Variants in MAF observed in about 807,000 individuals in gnomAD.
MAF encodes the protein transcription factor Maf.
MAF carries 10 observed loss-of-function variants against 22.0 expected under a neutral mutation model. That is an observed-to-expected ratio of 0.45 (90% CI 0.28 to 0.77). The LOEUF (loss-of-function observed/expected upper bound fraction) is 0.77. Among genes scored for constraint, MAF ranks in the 30% least tolerant of loss-of-function variants. The pLI is 0.12. For missense variants in MAF, 544 were observed against 548.4 expected (o/e 0.99, Z 0.08); for synonymous variants, 337 against 255.8 (o/e 1.32, Z -3.03).
At chr16:79,211,249 G>C in the MAF span, among the ~76,000 whole-genome samples, 86 of 152,244 alleles carry the variant, frequency 5.6e-4, no homozygotes, top group Non-Finnish European at 9.3e-4. Flanking sequence ...TGGAGAAGTT[G>C]AGGGGTTGGA....
At chr16:79,379,755 G>T in the MAF span, among the ~76,000 whole-genome samples, 2 of 152,112 alleles carry the variant, frequency 1.3e-5, no homozygotes, top group Admixed American at 6.5e-5. Flanking sequence ...AGCCTTGTTG[G>T]GTTTCAGTGT....
chr16:79,585,662 A>G (rs1185655511), downstream of MAF, among the ~76,000 whole-genome samples: 1 of 152,214 alleles, frequency 6.6e-6, no homozygotes. Context: ...TGATTCTCAC[A>G]TATATCGCAT....
At chr16:79,224,728 G>C in the MAF span, among the ~76,000 whole-genome samples, 3 of 152,074 alleles carry the variant, frequency 2.0e-5, no homozygotes, top group African/African-American at 2.4e-5. Flanking sequence ...AGACAAACAA[G>C]AGAGCAAAAT....
At chr16:79,412,515 G>A in the MAF span, among the ~76,000 whole-genome samples, 1 of 152,174 alleles carries the variant, frequency 6.6e-6, no homozygotes, top group Non-Finnish European at 1.5e-5. Flanking sequence ...ATTTGGGCTG[G>A]GTAACTGTTG....
chr16:79,481,956 G>C, the MAF span, among the ~76,000 whole-genome samples: 1 of 152,170 alleles, frequency 6.6e-6, no homozygotes, highest in African/African-American at 2.4e-5. Flanking sequence ...TCAGACACAA[G>C]ACTGGAGGTC....
At chr16:79,436,099 T>C in the MAF span, among the ~76,000 whole-genome samples, 1 of 152,220 alleles carries the variant, frequency 6.6e-6, no homozygotes, top group Non-Finnish European at 1.5e-5. Context: ...ATTTATTTAT[T>C]TGAAACAGAG....
intron 1 of MAF, among the ~76,000 whole-genome samples, chr16:79,588,452 T>A (rs79852264): frequency 2.6e-5 from 4 of 152,168 alleles, no homozygotes; most frequent in African/African-American, 4.8e-5. Context: ...TCTTTTTTTT[T>A]AAGATACAGT....
the MAF span, among the ~76,000 whole-genome samples, chr16:79,557,614 T>C: frequency 6.6e-6 from 1 of 152,056 alleles, no homozygotes; most frequent in Non-Finnish European, 1.5e-5. Context: ...GAGATACTAA[T>C]AGCAGCCAAC....
At chr16:79,565,408 A>C in the MAF span, among the ~76,000 whole-genome samples, 1 of 152,074 alleles carries the variant, frequency 6.6e-6, no homozygotes, top group Non-Finnish European at 1.5e-5. Flanking sequence ...ATGATATCAC[A>C]ACTCTCCCTT....
chr16:79,502,063 T>G, the MAF span, among the ~76,000 whole-genome samples: 1 of 152,218 alleles, frequency 6.6e-6, no homozygotes. Flanking sequence ...AGAATAATTT[T>G]CACCACCGCT....
At chr16:79,495,062 G>A in the MAF span, among the ~76,000 whole-genome samples, 1 of 152,166 alleles carries the variant, frequency 6.6e-6, no homozygotes, top group Non-Finnish European at 1.5e-5. Context: ...ACACCCTGGT[G>A]TGTTCACCAA....
At chr16:79,276,852 G>A in the MAF span, among the ~76,000 whole-genome samples, 3 of 152,006 alleles carry the variant, frequency 2.0e-5, no homozygotes, top group Admixed American at 1.3e-4. Context: ...TCGAGGTGTC[G>A]GCAGGGCTGC....
At chr16:79,493,609 A>G in the MAF span, among the ~76,000 whole-genome samples, 1 of 152,196 alleles carries the variant, frequency 6.6e-6, no homozygotes, top group South Asian at 2.1e-4. Context: ...CACTGTGCCC[A>G]GTCTCGGTTA....
chr16:79,441,048 C>G, the MAF span, among the ~76,000 whole-genome samples: 2 of 152,236 alleles, frequency 1.3e-5, no homozygotes, highest in Non-Finnish European at 2.9e-5. Flanking sequence ...CGCCTCCATA[C>G]ATGGGTGAAA....
At chr16:79,580,698 C>T in the MAF span, among the ~76,000 whole-genome samples, 2 of 152,078 alleles carry the variant, frequency 1.3e-5, no homozygotes, top group East Asian at 3.9e-4. Flanking sequence ...TCCTCCCCTA[C>T]TGTGACAGAT....
the MAF span, among the ~76,000 whole-genome samples, chr16:79,439,603 A>G: frequency 1.3e-5 from 2 of 152,144 alleles, no homozygotes; most frequent in Non-Finnish European, 2.9e-5. Flanking sequence ...TGGATAAGAA[A>G]ACAAAGGTTC....
At chr16:79,234,911 A>G in the MAF span, among the ~76,000 whole-genome samples, 1 of 151,934 alleles carries the variant, frequency 6.6e-6, no homozygotes, top group Non-Finnish European at 1.5e-5. Context: ...GCGTTGCTGG[A>G]CGCACCCTTC....
At chr16:79,393,968 A>G in the MAF span, among the ~76,000 whole-genome samples, 3 of 152,188 alleles carry the variant, frequency 2.0e-5, no homozygotes, top group African/African-American at 7.2e-5. Context: ...CATTGTATGT[A>G]TTGCCTCATT....
At chr16:79,255,931 G>A in the MAF span, among the ~76,000 whole-genome samples, 2 of 149,870 alleles carry the variant, frequency 1.3e-5, no homozygotes, top group African/African-American at 5.0e-5. Flanking sequence ...ATTATTGTTA[G>A]CTAGAGAGAT....
Sources: gnomAD v4.1 joint callset for allele counts (sites outside exome capture counted in the v4.1 genomes callset) on GRCh38, gnomAD v4.1.1 for gene constraint, MANE v1.5 for transcripts, NCBI Gene and HGNC (gene_info 2026-07-23, HGNC 2026-07-21) for gene names.